Variants in PCDHGB3 observed in about 807,000 individuals in gnomAD.
The protein encoded by PCDHGB3 is protocadherin gamma subfamily B, 3.
Under a neutral mutation model 59.2 loss-of-function variants are expected in PCDHGB3, and 40 were observed. That is an observed-to-expected ratio of 0.68 (90% CI 0.52 to 0.88). The LOEUF is 0.88. Ranked by LOEUF, PCDHGB3 falls within the 40% of genes least tolerant of loss-of-function variation. The pLI is 0.00. For synonymous variants in PCDHGB3, 581 were observed against 503.6 expected, an observed-to-expected ratio of 1.15 and a Z score of -2.06; for missense variants, 1,309 against 1,187.9, an observed-to-expected ratio of 1.10 and a Z score of -1.50.
At chr5:141,392,851 T>C in intron 1 of PCDHGB3, 1 of 1,611,148 alleles carries the variant, frequency 6.2e-7, no homozygotes, top group Non-Finnish European at 8.5e-7. Context: ...CGCGGCGAGC[T>C]GATCCTGCTG....
At chr5:141,430,837 CG>C in intron 1 of PCDHGB3, 1 of 1,560,074 alleles carries the variant, frequency 6.4e-7, no homozygotes, top group African/African-American at 1.4e-5. Flanking sequence ...TGTGGGAGAC[CG>C]GATGCACCCA....
intron 1 of PCDHGB3, chr5:141,421,930 G>T (rs780569992): frequency 3.1e-6 from 5 of 1,613,480 alleles, no homozygotes; most frequent in Non-Finnish European, 4.2e-6. Context: ...GGTGGTCCTC[G>T]ATGTAAATGA....
intron 1 of PCDHGB3, among the ~76,000 whole-genome samples, chr5:141,435,225 A>G (rs919735003): frequency 5.9e-5 from 9 of 152,188 alleles, no homozygotes; most frequent in Non-Finnish European, 1.2e-4. Context: ...CTTTCTTTCA[A>G]AGTTCAGTAA....
intron 1 of PCDHGB3, chr5:141,428,086 G>C: frequency 1.9e-6 from 3 of 1,609,122 alleles, no homozygotes; most frequent in Non-Finnish European, 1.7e-6. Context: ...CACAACGCTT[G>C]GCTGTCCTAC....
chr5:141,476,229 C>A lies in PCDHGB3; in HGVS notation c.2416-18578C>A, dbSNP rs761790915. The A allele has an allele frequency of 1.9e-6, 3 of 1,613,872 alleles. No homozygotes were observed. The South Asian group carries it at 3.3e-5, about 18-fold the overall frequency. ...TCCACGGTCATTCACTATGAGATCC[C>A]GGAGGAAAGAGAGAAGGGTTTCGCT... On this transcript the variant is annotated intron_variant, in intron 1 of 3. Transcript: ENST00000576222. This position sits in a 1 kb window ranked among gnomAD's most constrained non-coding sequence, Gnocchi z 7.6.
rs2098995125 is a variant in PCDHGB3 at position 141,460,673 on chromosome 5, A to G, written c.2416-34134A>G. 2.6e-5 allele frequency among the ~76,000 whole-genome samples: 4 copies of G among 152,244 alleles called. No homozygotes were observed. The South Asian group carries it at 8.3e-4, about 32-fold the overall frequency. On this transcript the variant is annotated intron_variant, in intron 1 of 3. Coordinates refer to ENST00000576222, the MANE Select transcript of PCDHGB3 (RefSeq NM_018924.5). ...CATATGTAACTGTAAACACAGTTAT[A>G]TATCTATATATCCACCAACAGTTGA... is the stretch of plus-strand genomic sequence containing the variant.
In PCDHGB3 at chr5:141,389,981, G is replaced by T. The variant is rs750738084; in HGVS notation, c.2415+17172G>T. On this transcript the variant is annotated intron_variant, in intron 1 of 3. Transcript: ENST00000576222. ...TGGTGGCCTTGGCCTTGATCTCAGT[G>T]CTCTTCCTCGTGGCCATGATTCTGG... The T allele has an allele frequency of 2.5e-6, 4 of 1,614,006 alleles. No homozygotes were observed. The South Asian group carries it at 4.4e-5, about 18-fold the overall frequency.
chr5:141,390,234 G>A (rs1357417854), intron 1 of PCDHGB3: 15 of 1,614,046 alleles, frequency 9.3e-6, no homozygotes, highest in Non-Finnish European at 1.3e-5. Context: ...TGATTCATCT[G>A]GGGCCTTATT....
At position 141,477,166 on chromosome 5, in the gene PCDHGB3, G is replaced by A. The variant is rs753389305; in HGVS notation, c.2416-17641G>A. ...TTGTGGATGTGAATGACAACGCCCC[G>A]GAGATCACAGTCACCTCCGTGTACA... On this transcript the variant is annotated intron_variant, in intron 1 of 3. Transcript: ENST00000576222. This position sits in a 1 kb window ranked among gnomAD's most constrained non-coding sequence, Gnocchi z 4.9. 5.9e-5 allele frequency: 96 copies of A among 1,614,012 alleles called. 1 individual carries two copies. Among genetic ancestry groups the A allele is most frequent in the Non-Finnish European group, 7.9e-5 (93 of 1,180,030 alleles).
rs905837179 is a variant in PCDHGB3 at position 141,478,541 on chromosome 5, G to A, written c.2416-16266G>A. ...GTTGGGTGCAGAGAGCGCCCCTCCCGGACAGGTAAGGTTTAGCAAGTCATG... is the reference window on the plus strand; with the variant it reads ...GTTGGGTGCAGAGAGCGCCCCTCCCAGACAGGTAAGGTTTAGCAAGTCATG... On this transcript the variant is annotated intron_variant, in intron 1 of 3. Coordinates refer to ENST00000576222, the MANE Select transcript of PCDHGB3 (RefSeq NM_018924.5). 4 of 1,605,470 alleles carry A rather than the reference G, an allele frequency of 2.5e-6. No homozygotes were observed. The Admixed American group carries it at 5.2e-5, about 21-fold the overall frequency.
intron 1 of PCDHGB3, chr5:141,399,170 T>C (rs1159402714): frequency 6.2e-7 from 1 of 1,613,798 alleles, no homozygotes. Flanking sequence ...TTCCATTCTC[T>C]ACTTGAAATG....
intron 1 of PCDHGB3, chr5:141,375,350 A>C (rs1442876922): frequency 1.2e-6 from 2 of 1,613,744 alleles, no homozygotes; most frequent in African/African-American, 1.3e-5. Context: ...CATCACTGTG[A>C]CAGCCACGGA....
chr5:141,436,193 A>G (rs2097801112), intron 1 of PCDHGB3, among the ~76,000 whole-genome samples: 1 of 152,156 alleles, frequency 6.6e-6, no homozygotes, highest in South Asian at 2.1e-4. Flanking sequence ...AAATAGAAAG[A>G]AAGACATAAT....
chr5:141,393,121 T>A, intron 1 of PCDHGB3: 1 of 1,613,428 alleles, frequency 6.2e-7, no homozygotes, highest in African/African-American at 1.3e-5. Context: ...CCGCGGTGTC[T>A]GATAAATATT....
chr5:141,389,094 A>G (rs2091600869), intron 1 of PCDHGB3: 4 of 1,613,928 alleles, frequency 2.5e-6, no homozygotes, highest in Admixed American at 1.7e-5. Flanking sequence ...TAAATTAGTG[A>G]CAGATGCTGT....
intron 1 of PCDHGB3, among the ~76,000 whole-genome samples, chr5:141,433,837 C>CA (rs56191208): frequency 0.14 from 15,134 of 111,544 alleles, 1,164 homozygotes; most frequent in African/African-American, 0.25. Context: ...AACTCTATCT[C>CA]AAAAAAAAAA....
intron 1 of PCDHGB3, chr5:141,405,458 T>C (rs2094670240): frequency 2.4e-6 from 3 of 1,231,152 alleles, no homozygotes; most frequent in Non-Finnish European, 2.3e-6. Flanking sequence ...CTTACTCTGT[T>C]ACCCAGGCTG....
At chr5:141,411,045 T>G (rs1409162601) in intron 1 of PCDHGB3, 1 of 159,716 alleles carries the variant, frequency 6.3e-6, no homozygotes, top group Non-Finnish European at 1.4e-5. Flanking sequence ...AGACATGGGG[T>G]TTCACTATGT....
At position 141,371,430 on chromosome 5, in the gene PCDHGB3, G is replaced by C; in HGVS notation, c.1036G>C (p.Glu346Gln). Residue 346 changes from glutamate to glutamine, a missense_variant, in exon 1 of 4, where the codon GAG becomes CAG. Physicochemically the swap from Glu to Gln is conservative, Grantham distance 29. Transcript: ENST00000576222. ...DISDENDNAP[E>Q]ITLASESQHI... ...TTCAGATGAAAATGACAATGCCCCG[G>C]AGATAACCCTGGCTTCTGAATCCCA... is the stretch of plus-strand genomic sequence containing the variant. 1 of 1,613,962 alleles carries C rather than the reference G, an allele frequency of 6.2e-7. No homozygotes were observed. Among genetic ancestry groups the C allele is most frequent in the South Asian group, 1.1e-5 (1 of 91,084 alleles).
Sources: gnomAD v4.1 joint callset for allele counts (sites outside exome capture counted in the v4.1 genomes callset) on GRCh38, gnomAD v4.1.1 for gene constraint, Gnocchi (gnomAD v3.1) non-coding constraint, MANE v1.5 for transcripts, NCBI Gene and HGNC (gene_info 2026-07-23, HGNC 2026-07-21) for gene names.